Variants in SPOCK3 observed in about 807,000 individuals in gnomAD.
SPOCK3 encodes the protein testican-3.
Under a neutral mutation model 56.6 loss-of-function variants are expected in SPOCK3, and 30 were observed. The observed-to-expected ratio is 0.53, with a 90% CI of 0.40 to 0.72. The LOEUF is 0.72. Among genes scored for constraint, SPOCK3 ranks in the 30% least tolerant of loss-of-function variants. The pLI, the probability that SPOCK3 is intolerant of heterozygous loss-of-function variation, is 0.00. For missense variants in SPOCK3, 527 were observed against 530.0 expected, an observed-to-expected ratio of 0.99 and a Z score of 0.06; for synonymous variants, 196 against 183.3, an observed-to-expected ratio of 1.07 and a Z score of -0.56.
intron 2 of SPOCK3, among the ~76,000 whole-genome samples, chr4:167,228,788 T>C (rs1736844969): frequency 6.6e-6 from 1 of 152,134 alleles, no homozygotes; most frequent in Non-Finnish European, 1.5e-5. Context: ...AGATTGCCTA[T>C]TGCTTCTCTT....
chr4:166,788,682 C>G (rs571230110), intron 7 of SPOCK3, among the ~76,000 whole-genome samples: 3 of 151,364 alleles, frequency 2.0e-5, no homozygotes, highest in Non-Finnish European at 3.0e-5. Flanking sequence ...ATTATTATAA[C>G]AAAAAATTAT....
In SPOCK3 at chr4:166,872,075, C is replaced by CAT. The variant is rs201790375; in HGVS notation, c.589+17053_589+17054dup. ...AAACATACACACACACACACACACA[C>CAT]ATATATATATATAATCTTAAGTATT... On this transcript the variant is annotated intron_variant, in intron 6 of 10. Transcript: ENST00000357545. 1.6e-4 allele frequency among the ~76,000 whole-genome samples: 17 copies of CAT among 104,762 alleles called. No individual in the cohort carries two copies. In the South Asian group the frequency reaches 1.8e-3, roughly 11 times the overall value. The allele number at this position is 104,762 out of a possible 152,430, so 68.7% of individuals were successfully genotyped here.
chr4:167,220,378 C>CTTTTTTTTTTTTTT (rs61002914), intron 2 of SPOCK3, among the ~76,000 whole-genome samples: 13 of 130,036 alleles, frequency 1.0e-4, no homozygotes, highest in African/African-American at 3.2e-4. Flanking sequence ...ACTGTAAGAA[C>CTTTTTTTTTTTTTT]TTTTTTTTTT....
chr4:166,923,597 C>T (rs536445233), intron 4 of SPOCK3, among the ~76,000 whole-genome samples: 83 of 152,244 alleles, frequency 5.5e-4, no homozygotes, highest in African/African-American at 1.6e-3. Context: ...AATGGAAAAA[C>T]GTATGGTCCA....
intron 5 of SPOCK3, among the ~76,000 whole-genome samples, chr4:166,898,923 C>G (rs1735701455): frequency 6.6e-6 from 1 of 152,072 alleles, no homozygotes; most frequent in Admixed American, 6.6e-5. Context: ...GGACTGAGTA[C>G]AGAAGACCCT....
intron 2 of SPOCK3, among the ~76,000 whole-genome samples, chr4:167,159,647 T>G (rs2150435940): frequency 6.6e-6 from 1 of 152,080 alleles, no homozygotes; most frequent in East Asian, 1.9e-4. Flanking sequence ...CTCAATAAAA[T>G]AATGGCAAAC....
In SPOCK3 at chr4:166,747,835, C is replaced by A. The variant is rs573067368; in HGVS notation, c.932-5776G>T. Among the ~76,000 whole-genome samples the A allele has an allele frequency of 5.3e-5, 8 of 151,956 alleles. No homozygotes were observed. The East Asian group carries it at 9.7e-4, about 18-fold the overall frequency. On this transcript the variant is annotated intron_variant, in intron 8 of 10. Coordinates refer to ENST00000357545, the MANE Select transcript of SPOCK3 (RefSeq NM_001040159.2). ...CAAAAATCACAAGCATTCTTATACACCAATAACAGAAAAACAGAGAGCCAA... is the reference window on the plus strand; with the variant it reads ...CAAAAATCACAAGCATTCTTATACAACAATAACAGAAAAACAGAGAGCCAA...
At chr4:167,069,551 A>G (rs1756474473) in intron 2 of SPOCK3, among the ~76,000 whole-genome samples, 1 of 151,902 alleles carries the variant, frequency 6.6e-6, no homozygotes, top group Non-Finnish European at 1.5e-5. Flanking sequence ...CAGAACAACG[A>G]CTAGATGGAA....
chr4:166,733,694 A>G lies in SPOCK3; in HGVS notation c.*1227T>C, dbSNP rs1223643100. ...TGTCTACACAATTAATTAACATGCTAACTTAAATACAGCGGTTAAAGTAAT... is the reference window on the plus strand; with the variant it reads ...TGTCTACACAATTAATTAACATGCTGACTTAAATACAGCGGTTAAAGTAAT... On this transcript the variant is annotated 3_prime_UTR_variant, in exon 11 of 11. Transcript: ENST00000357545. 1 of 152,288 alleles carries G rather than the reference A, an allele frequency of 6.6e-6. No homozygotes were observed. The highest frequency in any genetic ancestry group is 1.9e-4 in the East Asian group (1 of 5,192). The allele number at this position is 152,288 out of a possible 1,614,324, so 9.4% of individuals were successfully genotyped here.
chr4:166,766,476 A>T (rs1351263267), intron 7 of SPOCK3, among the ~76,000 whole-genome samples: 1 of 152,052 alleles, frequency 6.6e-6, no homozygotes, highest in Non-Finnish European at 1.5e-5. Flanking sequence ...TTCTGTTTAT[A>T]TGCTGGATTA....
At chr4:166,942,861 A>G (rs1741268359) in intron 4 of SPOCK3, among the ~76,000 whole-genome samples, 1 of 152,228 alleles carries the variant, frequency 6.6e-6, no homozygotes, top group South Asian at 2.1e-4. Flanking sequence ...TCATGGCTTA[A>G]TGAAAGTGAC....
chr4:166,898,958 C>T (rs1735706002), intron 5 of SPOCK3, among the ~76,000 whole-genome samples: 2 of 151,998 alleles, frequency 1.3e-5, no homozygotes, highest in Admixed American at 1.3e-4. Flanking sequence ...TGGGCATCAT[C>T]CTATTGGTTG....
intron 2 of SPOCK3, among the ~76,000 whole-genome samples, chr4:167,065,062 T>TAAAAAAAAAAAAAAAAAAAAAAAAAAA (rs74281519): frequency 7.0e-5 from 4 of 56,866 alleles, no homozygotes; most frequent in Admixed American, 1.9e-4. Flanking sequence ...AAAAAAAAAG[T>TAAAAAAAAAAAAAAAAAAAAAAAAAAA]CAAACGCAGC....
At chr4:166,990,886 G>C (rs1454890359) in intron 4 of SPOCK3, among the ~76,000 whole-genome samples, 1 of 151,896 alleles carries the variant, frequency 6.6e-6, no homozygotes, top group Non-Finnish European at 1.5e-5. Flanking sequence ...GAAATATTTA[G>C]AATAAGAAAT....
intron 7 of SPOCK3, among the ~76,000 whole-genome samples, chr4:166,762,701 T>C (rs1271766008): frequency 1.5e-4 from 23 of 152,066 alleles, no homozygotes; most frequent in Non-Finnish European, 2.9e-5. Context: ...GGAGACTATA[T>C]GCAACATTCT....
intron 3 of SPOCK3, among the ~76,000 whole-genome samples, chr4:167,031,010 A>G (rs2150181105): frequency 6.6e-6 from 1 of 152,244 alleles, no homozygotes; most frequent in South Asian, 2.1e-4. Context: ...TTTCATATAT[A>G]GCATCATATC....
At chr4:166,765,781 A>G (rs1737942985) in intron 7 of SPOCK3, among the ~76,000 whole-genome samples, 1 of 152,240 alleles carries the variant, frequency 6.6e-6, no homozygotes, top group African/African-American at 2.4e-5. Context: ...CTTGGGCAGT[A>G]TGCCCATTTT....
At chr4:167,127,863 A>T (rs1230745575) in intron 2 of SPOCK3, among the ~76,000 whole-genome samples, 1 of 152,218 alleles carries the variant, frequency 6.6e-6, no homozygotes, top group Non-Finnish European at 1.5e-5. Flanking sequence ...TTGGTTTCCC[A>T]TTATAGAAGA....
At chr4:167,183,272 G>A (rs939499377) in intron 2 of SPOCK3, among the ~76,000 whole-genome samples, 7 of 152,132 alleles carry the variant, frequency 4.6e-5, no homozygotes, top group Admixed American at 3.9e-4. Context: ...ATTGTTTTAA[G>A]CCACTGAGTT....
Sources: allele counts gnomAD v4.1 joint callset (sites outside exome capture counted in the v4.1 genomes callset), GRCh38; gene constraint gnomAD v4.1.1; transcripts MANE v1.5; gene names NCBI Gene and HGNC (gene_info 2026-07-23, HGNC 2026-07-21).